The following IKZF3 variants were observed in gnomAD, a reference collection of about 807,000 sequenced individuals.
The protein encoded by IKZF3 is IKAROS family zinc finger 3.
In IKZF3, 10 loss-of-function variants were observed where a neutral mutation model predicts 49.0. The ratio of observed to expected loss-of-function variants is 0.20; its 90% CI spans 0.13 to 0.35. The LOEUF (loss-of-function observed/expected upper bound fraction) is 0.35, where lower values mean the gene tolerates loss of function less well. Ranked by LOEUF, IKZF3 falls within the 10% of genes least tolerant of loss-of-function variation. The probability of loss-of-function intolerance (pLI) is 1.00; values close to 1 mark genes in which losing one functional copy is unlikely to be tolerated. For missense variants in IKZF3, 498 were observed against 664.8 expected (o/e 0.75, Z 2.76); for synonymous variants, 209 against 228.2 (o/e 0.92, Z 0.76).
chr17:39,829,571 C>T (rs1598140195), intron 2 of IKZF3, 83 bp from the exon 3 acceptor site: 5 of 909,402 alleles, frequency 5.5e-6, no homozygotes, highest in Non-Finnish European at 5.2e-6. Context: ...CCCCATTTAA[C>T]TTTCAGCTTC....
intron 3 of IKZF3, among the ~76,000 whole-genome samples, chr17:39,803,608 G>A (rs904459914): frequency 2.0e-5 from 3 of 151,538 alleles, no homozygotes; most frequent in Non-Finnish European, 4.4e-5. Context: ...CCACCTCCCG[G>A]GTTCAAGCCA....
At chr17:39,835,186 T>C (rs2062235968) in intron 1 of IKZF3, 6 of 507,426 alleles carry the variant, frequency 1.2e-5, no homozygotes, top group South Asian at 7.4e-5. Flanking sequence ...ATATGGATAC[T>C]CATGCTCTGC....
rs2061598120 is a variant in IKZF3 at position 39,813,079 on chromosome 17, G to A, written c.163+16308C>T. The stretch of plus-strand genomic sequence containing the variant: ...TTCGCACCACTGCACTCCAGCCTGG[G>A]CGACAGGGCAAGACTCCATCTCAAA... On this transcript the variant is annotated intron_variant, in intron 3 of 7. Transcript: ENST00000346872. 2.0e-5 allele frequency among the ~76,000 whole-genome samples: 3 copies of A among 150,860 alleles called. No individual in the cohort carries two copies. In the Admixed American group the frequency reaches 2.0e-4, roughly 10 times the overall value.
At chr17:39,863,791 G>C (rs553458141) in intron 1 of IKZF3, among the ~76,000 whole-genome samples, 1 of 116,878 alleles carries the variant, frequency 8.6e-6, no homozygotes, top group East Asian at 2.1e-4. Flanking sequence ...ATATCCAAAA[G>C]GGTTGATTAT....
At chr17:39,826,251 C>T (rs769036581) in intron 3 of IKZF3, among the ~76,000 whole-genome samples, 2 of 152,108 alleles carry the variant, frequency 1.3e-5, no homozygotes, top group Non-Finnish European at 2.9e-5. Flanking sequence ...CTATATTGCC[C>T]AGGTTGGTCT....
In IKZF3 at chr17:39,766,288, T is replaced by A; in HGVS notation, c.1032A>T (p.Ile344=). 1 of 1,614,202 alleles carries A rather than the reference T, an allele frequency of 6.2e-7. No homozygotes were observed. The highest frequency in any genetic ancestry group is 8.5e-7 in the Non-Finnish European group (1 of 1,180,046). Residue 344 remains isoleucine, a synonymous_variant, in exon 8 of 8, where the codon ATA becomes ATT. Coordinates refer to ENST00000346872, the MANE Select transcript of IKZF3 (RefSeq NM_012481.5). ...TTGACATCTCAGCCCGGGTGAGGGC[T>A]ATGGGATACATGCTGCTGATAACTG... ...MVPVISSMYP[I]ALTRAEMSNG...
At chr17:39,799,446 C>T (rs1051294097) in intron 3 of IKZF3, among the ~76,000 whole-genome samples, 2 of 152,174 alleles carry the variant, frequency 1.3e-5, no homozygotes, top group African/African-American at 4.8e-5. Flanking sequence ...AGCACCTGTC[C>T]AGAACTTGCC....
chr17:39,807,027 T>C (rs2061444708), intron 3 of IKZF3, among the ~76,000 whole-genome samples: 2 of 152,198 alleles, frequency 1.3e-5, no homozygotes, highest in East Asian at 1.9e-4. Context: ...AAACTGATCC[T>C]TCCCTAGTCA....
intron 3 of IKZF3, among the ~76,000 whole-genome samples, chr17:39,826,670 A>G (rs2061964647): frequency 6.6e-6 from 1 of 151,750 alleles, no homozygotes; most frequent in African/African-American, 2.4e-5. Flanking sequence ...TCGGTAAAAG[A>G]CCCCCCTTCC....
intron 7 of IKZF3, among the ~76,000 whole-genome samples, chr17:39,776,370 A>G (rs966293222): frequency 6.6e-6 from 1 of 152,246 alleles, no homozygotes; most frequent in Non-Finnish European, 1.5e-5. Context: ...ATATATGGGA[A>G]TATTTGTAGA....
At chr17:39,860,336 A>G (rs1002961666) in intron 1 of IKZF3, among the ~76,000 whole-genome samples, 3 of 152,178 alleles carry the variant, frequency 2.0e-5, no homozygotes, top group Non-Finnish European at 1.5e-5. Flanking sequence ...ATATACATTT[A>G]TATATGAATG....
chr17:39,816,836 C>T (rs2061688014), intron 3 of IKZF3, among the ~76,000 whole-genome samples: 1 of 152,208 alleles, frequency 6.6e-6, no homozygotes, highest in Non-Finnish European at 1.5e-5. Context: ...ACCTCAGCCT[C>T]CCGAGTAGCT....
intron 1 of IKZF3, among the ~76,000 whole-genome samples, chr17:39,838,885 G>A (rs1166180066): frequency 6.6e-6 from 1 of 152,102 alleles, no homozygotes; most frequent in East Asian, 1.9e-4. Flanking sequence ...CCAGGCTTGA[G>A]TGCAGTGGCA....
intron 1 of IKZF3, chr17:39,835,396 T>A (rs1012131067): frequency 1.0e-5 from 5 of 476,704 alleles, no homozygotes; most frequent in African/African-American, 9.9e-5. Context: ...TCCCCACACA[T>A]ACACAATGGC....
intron 6 of IKZF3, among the ~76,000 whole-genome samples, chr17:39,784,635 C>G (rs979706509): frequency 2.0e-5 from 3 of 152,220 alleles, no homozygotes; most frequent in African/African-American, 7.2e-5. Context: ...ATCTCTTGAC[C>G]TTGTGATCCG....
chr17:39,815,175 A>G (rs1190905505), intron 3 of IKZF3, among the ~76,000 whole-genome samples: 1 of 152,222 alleles, frequency 6.6e-6, no homozygotes, highest in Non-Finnish European at 1.5e-5. Context: ...CTCATGACAG[A>G]ACCTTTCCTT....
intron 3 of IKZF3, among the ~76,000 whole-genome samples, chr17:39,805,696 T>A (rs1337405765): frequency 6.6e-6 from 1 of 152,210 alleles, no homozygotes; most frequent in Non-Finnish European, 1.5e-5. Flanking sequence ...GAATGAGCTA[T>A]CTTGTCACTG....
chr17:39,848,747 G>A (rs1279155716), intron 1 of IKZF3, among the ~76,000 whole-genome samples: 1 of 152,108 alleles, frequency 6.6e-6, no homozygotes, highest in Non-Finnish European at 1.5e-5. Context: ...GTGACATGAC[G>A]TAGCTCACTG....
chr17:39,834,189 CTT>C (rs1177104765), intron 1 of IKZF3, among the ~76,000 whole-genome samples: 11 of 152,112 alleles, frequency 7.2e-5, no homozygotes, highest in Non-Finnish European at 4.4e-5. Flanking sequence ...TTTCATGTCT[CTT>C]GAGTCAATAC....
Sources: gnomAD v4.1 joint callset for allele counts (sites outside exome capture counted in the v4.1 genomes callset) on GRCh38, gnomAD v4.1.1 for gene constraint, MANE v1.5 for transcripts, NCBI Gene and HGNC (gene_info 2026-07-23, HGNC 2026-07-21) for gene names.